The following GPC6 variants were observed in gnomAD, a reference collection of about 807,000 sequenced individuals.
GPC6 encodes glypican-6.
GPC6 carries 14 observed loss-of-function variants against 55.2 expected under a neutral mutation model. The ratio of observed to expected loss-of-function variants is 0.25; its 90% CI spans 0.17 to 0.40. GPC6 has a LOEUF of 0.40. GPC6 is among the 10% of genes least tolerant of loss of function. GPC6 has a pLI of 1.00. For missense variants in GPC6, 641 were observed against 708.5 expected, an observed-to-expected ratio of 0.90 and a Z score of 1.08; for synonymous variants, 278 against 259.6, an observed-to-expected ratio of 1.07 and a Z score of -0.68.
In GPC6 at chr13:93,660,943, A is replaced by T. The variant is rs116154900; in HGVS notation, c.319+115522A>T. On this transcript the variant is annotated intron_variant, in intron 2 of 8. Transcript: ENST00000377047. ...GGAAATGAAAAGCACCTTCTCTCCTATGGGAGCAAGGGTTGGGTTCAATGG... is the reference window on the plus strand; with the variant it reads ...GGAAATGAAAAGCACCTTCTCTCCTTTGGGAGCAAGGGTTGGGTTCAATGG... Among the ~76,000 whole-genome samples, 383 of 152,272 alleles carry T rather than the reference A, an allele frequency of 2.5e-3. 2 individuals are homozygous for T. The highest frequency in any genetic ancestry group is 8.7e-3 in the African/African-American group (363 of 41,552).
intron 5 of GPC6, among the ~76,000 whole-genome samples, chr13:94,295,891 C>T (rs532182271): frequency 2.4e-4 from 37 of 151,880 alleles, no homozygotes; most frequent in Non-Finnish European, 4.3e-4. Flanking sequence ...TCTAAATTCA[C>T]AGTATCTTCT....
intron 3 of GPC6, among the ~76,000 whole-genome samples, chr13:93,842,445 A>G (rs1887987182): frequency 6.6e-6 from 1 of 152,206 alleles, no homozygotes; most frequent in Non-Finnish European, 1.5e-5. Flanking sequence ...GATGGAAGAT[A>G]GAATCCAGAT....
At chr13:93,811,507 G>A (rs147483579) in intron 2 of GPC6, among the ~76,000 whole-genome samples, 267 of 152,218 alleles carry the variant, frequency 1.8e-3, no homozygotes, top group South Asian at 6.6e-3. Context: ...TTAAGAAAAT[G>A]TTCTTAGATT....
intron 2 of GPC6, among the ~76,000 whole-genome samples, chr13:93,622,538 A>G (rs2139559040): frequency 6.6e-6 from 1 of 152,310 alleles, no homozygotes. Context: ...TTCTTAAATC[A>G]GAGACTGGAG....
chr13:93,576,961 G>A (rs890684823), intron 2 of GPC6, among the ~76,000 whole-genome samples: 8 of 152,026 alleles, frequency 5.3e-5, no homozygotes, highest in East Asian at 3.9e-4. Flanking sequence ...CTTTAACTCC[G>A]TGTATTTGAA....
chr13:93,242,307 G>T (rs2139016850), intron 1 of GPC6, among the ~76,000 whole-genome samples: 1 of 152,118 alleles, frequency 6.6e-6, no homozygotes, highest in Non-Finnish European at 1.5e-5. Context: ...TACAAGCCTG[G>T]CAAAAAACAA....
intron 3 of GPC6, among the ~76,000 whole-genome samples, chr13:93,954,402 T>C (rs1373987898): frequency 6.6e-6 from 1 of 152,134 alleles, no homozygotes; most frequent in African/African-American, 2.4e-5. Context: ...GCAACCTCTG[T>C]CTTCCAGGCT....
intron 3 of GPC6, among the ~76,000 whole-genome samples, chr13:93,877,813 CTT>C (rs992375014): frequency 6.6e-6 from 1 of 151,954 alleles, no homozygotes; most frequent in African/African-American, 2.4e-5. Flanking sequence ...TTTACTTAGT[CTT>C]ATGTGATAAA....
At chr13:93,411,995 T>A (rs1469410313) in intron 1 of GPC6, among the ~76,000 whole-genome samples, 2 of 143,910 alleles carry the variant, frequency 1.4e-5, no homozygotes, top group Non-Finnish European at 3.0e-5. Flanking sequence ...AGAGAGGGAC[T>A]ATGTCTCAAA....
At chr13:94,262,970 G>A (rs1891698368) in intron 4 of GPC6, among the ~76,000 whole-genome samples, 1 of 152,140 alleles carries the variant, frequency 6.6e-6, no homozygotes, top group African/African-American at 2.4e-5. Context: ...CCATCTCTCT[G>A]CCTAACTATA....
chr13:94,052,074 G>A (rs1883967649), intron 4 of GPC6, among the ~76,000 whole-genome samples: 1 of 152,150 alleles, frequency 6.6e-6, no homozygotes, highest in South Asian at 2.1e-4. Flanking sequence ...CTGGTGGGGA[G>A]AAAGACGCAT....
intron 3 of GPC6, among the ~76,000 whole-genome samples, chr13:93,837,254 CA>C (rs1887771871): frequency 6.6e-6 from 1 of 152,186 alleles, no homozygotes; most frequent in African/African-American, 2.4e-5. Flanking sequence ...TCAGTTAAAA[CA>C]ACCACCTGTC....
intron 2 of GPC6, among the ~76,000 whole-genome samples, chr13:93,703,918 C>A (rs1447472679): frequency 5.3e-5 from 8 of 152,032 alleles, no homozygotes; most frequent in African/African-American, 1.4e-4. Context: ...TGGGACTTAC[C>A]TTGGCATGAG....
chr13:93,972,883 C>T (rs565035422), intron 3 of GPC6, among the ~76,000 whole-genome samples: 5 of 152,102 alleles, frequency 3.3e-5, no homozygotes, highest in Admixed American at 1.3e-4. Flanking sequence ...GACCATCAAA[C>T]ATGGTGTCTG....
At chr13:94,040,117 C>G (rs9589886) in intron 4 of GPC6, among the ~76,000 whole-genome samples, 3,685 of 151,844 alleles carry the variant, frequency 0.024, 150 homozygotes, top group African/African-American at 0.084. Context: ...TTTTGCAATT[C>G]TCATTGCACG....
intron 3 of GPC6, among the ~76,000 whole-genome samples, chr13:93,919,301 T>C (rs1005882076): frequency 6.6e-6 from 1 of 152,202 alleles, no homozygotes; most frequent in Non-Finnish European, 1.5e-5. Flanking sequence ...AAAGACCTAA[T>C]GCAGTCCGTT....
chr13:94,120,201 G>T (rs61962312), intron 4 of GPC6, among the ~76,000 whole-genome samples: 29,764 of 151,938 alleles, frequency 0.2, 3,614 homozygotes, highest in Non-Finnish European at 0.28. Context: ...CTCATAAGCA[G>T]TAGACATACA....
chr13:93,752,671 G>A (rs560096685), intron 2 of GPC6, among the ~76,000 whole-genome samples: 26 of 152,240 alleles, frequency 1.7e-4, no homozygotes, highest in South Asian at 1.7e-3. Context: ...GTCAGCGTGG[G>A]TGAGGAGTTC....
At chr13:93,664,397 A>G (rs1054413073) in intron 2 of GPC6, among the ~76,000 whole-genome samples, 5 of 152,170 alleles carry the variant, frequency 3.3e-5, no homozygotes, top group African/African-American at 1.2e-4. Context: ...ATATACAGGT[A>G]TTTGTCACTA....
Sources: allele counts gnomAD v4.1 joint callset (sites outside exome capture counted in the v4.1 genomes callset), GRCh38; gene constraint gnomAD v4.1.1; transcripts MANE v1.5; gene names NCBI Gene and HGNC (gene_info 2026-07-23, HGNC 2026-07-21).